Variants in NLRP7 observed in about 807,000 individuals in gnomAD.
NLRP7 encodes NACHT, LRR and PYD domains-containing protein 7.
Under a neutral mutation model 85.5 loss-of-function variants are expected in NLRP7, and 72 were observed. That is an observed-to-expected ratio of 0.84 (90% CI 0.70 to 1.02). The LOEUF (loss-of-function observed/expected upper bound fraction) is 1.02, where lower values mean the gene tolerates loss of function less well. Among genes scored for constraint, NLRP7 ranks in the 50% least tolerant of loss-of-function variants. The probability of loss-of-function intolerance (pLI) is 0.00; values close to 1 mark genes in which losing one functional copy is unlikely to be tolerated. For missense variants in NLRP7, 1,243 were observed against 1,219.5 expected (o/e 1.02, Z -0.29); for synonymous variants, 550 against 505.2 (o/e 1.09, Z -1.19).
chr19:54,943,737 G>T (rs1309845999), intron 1 of NLRP7, among the ~76,000 whole-genome samples: 1 of 152,208 alleles, frequency 6.6e-6, no homozygotes, highest in Non-Finnish European at 1.5e-5. Flanking sequence ...GCTGTGACGT[G>T]TGGGGAAAAG....
chr19:54,959,041 C>T (rs1427750173), intron 1 of NLRP7, among the ~76,000 whole-genome samples: 5 of 152,066 alleles, frequency 3.3e-5, no homozygotes, highest in African/African-American at 9.7e-5. Context: ...ACTAGGTTTA[C>T]GCCAGGCAGG....
At chr19:54,958,817 A>C (rs1450004082) in intron 1 of NLRP7, among the ~76,000 whole-genome samples, 2 of 152,136 alleles carry the variant, frequency 1.3e-5, no homozygotes, top group Non-Finnish European at 2.9e-5. Context: ...AAGCTCCTCG[A>C]GTGCACAGTT....
chr19:54,943,142 T>C (rs921792797), intron 1 of NLRP7, among the ~76,000 whole-genome samples: 1 of 148,696 alleles, frequency 6.7e-6, no homozygotes, highest in African/African-American at 2.5e-5. Flanking sequence ...AGCGAAACTC[T>C]ATCTCAAAAA....
chr19:54,936,417 G>T, exon 6 of NLRP7: 2 of 1,614,062 alleles, frequency 1.2e-6, no homozygotes, highest in East Asian at 2.2e-5. Context: ...GGTGTCAGGG[G>T]TGACGTTTTT....
chr19:54,932,313 AG>A (rs2068712356), intron 8 of NLRP7, among the ~76,000 whole-genome samples: 1 of 152,016 alleles, frequency 6.6e-6, no homozygotes, highest in African/African-American at 2.4e-5. Context: ...CTGTAATCCC[AG>A]CTACTTGGGA....
At chr19:54,935,672 A>G (rs1383223238) in intron 6 of NLRP7, among the ~76,000 whole-genome samples, 1 of 149,814 alleles carries the variant, frequency 6.7e-6, no homozygotes, top group African/African-American at 2.5e-5. Flanking sequence ...AGCCTGGGTG[A>G]CAAGAATAAA....
intron 1 of NLRP7, among the ~76,000 whole-genome samples, chr19:54,942,057 T>G (rs2069252772): frequency 6.6e-6 from 1 of 151,092 alleles, no homozygotes; most frequent in Admixed American, 6.6e-5. Context: ...ATCGAGACCA[T>G]CCTGGCTAAC....
chr19:54,933,849 C>A (rs2068777807), intron 7 of NLRP7, 110 bp from the exon 8 acceptor site: 1 of 936,748 alleles, frequency 1.1e-6, no homozygotes, highest in Non-Finnish European at 1.7e-6. Context: ...TCCTGTTCAT[C>A]CCCTGCCCTC....
chr19:54,933,973 C>T (rs1014987215), intron 7 of NLRP7, among the ~76,000 whole-genome samples: 4 of 152,092 alleles, frequency 2.6e-5, no homozygotes, highest in Non-Finnish European at 5.9e-5. Context: ...GACGGAGTCT[C>T]GCTCTGTCGC....
chr19:54,954,655 G>A (rs1370481180), intron 1 of NLRP7, among the ~76,000 whole-genome samples: 1 of 151,520 alleles, frequency 6.6e-6, no homozygotes. Flanking sequence ...GATCAGCCTG[G>A]CCAACATGGT....
chr19:54,926,615 A>G (rs1373105911), intron 9 of NLRP7, among the ~76,000 whole-genome samples: 1 of 151,882 alleles, frequency 6.6e-6, no homozygotes, highest in African/African-American at 2.4e-5. Context: ...CCCCATCTCT[A>G]CTAAAAACTA....
rs531842895 is a variant in NLRP7, at chr19:54,933,822, T to C, written c.2472-83A>G. 2.0e-5 allele frequency: 24 copies of C among 1,205,306 alleles called. No individual in the cohort carries two copies. The East Asian group carries it at 5.6e-4, about 28-fold the overall frequency. The allele number at this position is 1,205,306 out of a possible 1,614,324, so 74.7% of individuals were successfully genotyped here. On this transcript the variant is annotated intron_variant, in intron 7 of 9. Coordinates refer to ENST00000340844, the Ensembl canonical transcript of NLRP7. The stretch of plus-strand genomic sequence containing the variant: ...GCTCAGTGATGTCCACATGCTAGGG[T>C]ACTCAGCTTCAGCCCTTCCTGTTCA...
At chr19:54,949,257 G>T (rs377583797), upstream of NLRP7, among the ~76,000 whole-genome samples, 5 of 149,890 alleles carry the variant, frequency 3.3e-5, no homozygotes, top group African/African-American at 4.9e-5. Flanking sequence ...CAGCCTGGGC[G>T]ACAGAGACTC....
rs1424797486 is a variant in NLRP7, at chr19:54,961,239, AGT to A, written c.-77+4799_-77+4800del. Among the ~76,000 whole-genome samples the A allele has an allele frequency of 1.3e-5, 2 of 151,884 alleles. 1 individual carries two copies. The highest frequency in any genetic ancestry group is 2.9e-5 in the Non-Finnish European group (2 of 67,928). ...AAAAGAGGGGGAGTGGGCCAGGCAC[AGT>A]GTCTCACGCCTGTAATTCCAGCACT... is the stretch of plus-strand genomic sequence containing the variant. On this transcript the variant is annotated intron_variant, in intron 1 of 2. Coordinates refer to the NLRP7 transcript ENST00000587103.
At chr19:54,964,255 C>T (rs1457520861) in intron 1 of NLRP7, among the ~76,000 whole-genome samples, 7 of 128,642 alleles carry the variant, frequency 5.4e-5, no homozygotes, top group Non-Finnish European at 8.0e-5. Flanking sequence ...CTTGCTCTGT[C>T]GCCCAGGCTG....
chr19:54,941,469 CG>C lies in NLRP7; in HGVS notation c.242del (p.Thr81ArgfsTer11). 1 of 1,613,238 alleles carries C rather than the reference CG, an allele frequency of 6.2e-7. No individual in the cohort carries two copies. The highest frequency in any genetic ancestry group is 8.5e-7 in the Non-Finnish European group (1 of 1,179,734). ...CAGCCTTTGCCATCTTACACAATTC[CG>C]TGAGATTCATCTCTTCCAAGATGTT... On this transcript the variant is annotated frameshift_variant, in exon 2 of 10. Coordinates refer to ENST00000340844, the Ensembl canonical transcript of NLRP7. LOFTEE classifies it high-confidence loss of function.
At chr19:54,955,213 C>T (rs1035143146) in intron 1 of NLRP7, among the ~76,000 whole-genome samples, 1 of 151,922 alleles carries the variant, frequency 6.6e-6, no homozygotes, top group African/African-American at 2.4e-5. Flanking sequence ...CCTGTAATCC[C>T]AGCTACTCAG....
At chr19:54,923,789 C>T in exon 10 of NLRP7, 1 of 1,614,054 alleles carries the variant, frequency 6.2e-7, no homozygotes, top group Non-Finnish European at 8.5e-7. Context: ...GGAAGCATTG[C>T]AATCAATAGT....
chr19:54,957,157 G>A (rs953228590), intron 1 of NLRP7, among the ~76,000 whole-genome samples: 3 of 151,598 alleles, frequency 2.0e-5, no homozygotes, highest in Admixed American at 6.6e-5. Context: ...AAGTAGCTGG[G>A]ATTACAGGGC....
Sources: gnomAD v4.1 joint callset for allele counts (sites outside exome capture counted in the v4.1 genomes callset) on GRCh38, gnomAD v4.1.1 for gene constraint, MANE v1.5 for transcripts, NCBI Gene and HGNC (gene_info 2026-07-23, HGNC 2026-07-21) for gene names.